Variants in SEMA3A observed in about 807,000 individuals in gnomAD.
SEMA3A encodes semaphorin 3A.
Under a neutral mutation model 97.9 loss-of-function variants are expected in SEMA3A, and 29 were observed. That is an observed-to-expected ratio of 0.30 (90% confidence interval 0.22 to 0.40). The LOEUF is 0.40. SEMA3A is among the 10% of genes least tolerant of loss of function. SEMA3A has a pLI of 1.00. For missense variants in SEMA3A, 763 were observed against 951.3 expected (o/e 0.80, Z 2.60); for synonymous variants, 321 against 323.7 (o/e 0.99, Z 0.09).
At chr7:84,363,496 T>A (rs531815351) in intron 2 of SEMA3A, among the ~76,000 whole-genome samples, 20 of 152,114 alleles carry the variant, frequency 1.3e-4, no homozygotes, top group African/African-American at 4.8e-4. Flanking sequence ...TTTCTTTAGA[T>A]CTATATCTAT....
chr7:84,081,036 G>T (rs770575065), intron 4 of SEMA3A, among the ~76,000 whole-genome samples: 7 of 151,782 alleles, frequency 4.6e-5, no homozygotes, highest in Non-Finnish European at 8.8e-5. Context: ...TGTTACATTT[G>T]TTCAAATTAA....
intron 2 of SEMA3A, among the ~76,000 whole-genome samples, chr7:84,321,186 C>A (rs542566814): frequency 6.6e-6 from 1 of 152,306 alleles, no homozygotes; most frequent in African/African-American, 2.4e-5. Flanking sequence ...GTTGATAATT[C>A]TAATCCCATG....
chr7:84,147,283 C>T (rs1187420046), intron 1 of SEMA3A, among the ~76,000 whole-genome samples: 1 of 152,148 alleles, frequency 6.6e-6, no homozygotes, highest in Non-Finnish European at 1.5e-5. Flanking sequence ...TTAAATTGTT[C>T]TAATGCTGAG....
chr7:84,238,719 A>ATT (rs60410629), intron 3 of SEMA3A, among the ~76,000 whole-genome samples: 1 of 146,784 alleles, frequency 6.8e-6, no homozygotes, highest in African/African-American at 2.5e-5. Context: ...AACTACAATA[A>ATT]TTTTTTTTTT....
In SEMA3A at chr7:84,160,255, A is replaced by G. The variant is rs527758773; in HGVS notation, c.113-25304T>C. 2.2e-4 allele frequency among the ~76,000 whole-genome samples: 33 copies of G among 148,842 alleles called. No individual in the cohort carries two copies. The South Asian group carries it at 6.5e-3, about 29-fold the overall frequency. Reference sequence around the variant, plus strand: ...TATCTATCTATCTATCTATCTATCTATCTATCTATCTATCTATCTATCGTT... The same window carrying G: ...TATCTATCTATCTATCTATCTATCTGTCTATCTATCTATCTATCTATCGTT... On this transcript the variant is annotated intron_variant, in intron 1 of 16. Transcript: ENST00000265362.
At chr7:84,088,164 A>T (rs903109387) in intron 4 of SEMA3A, among the ~76,000 whole-genome samples, 1 of 152,182 alleles carries the variant, frequency 6.6e-6, no homozygotes, top group African/African-American at 2.4e-5. Flanking sequence ...GTGTTTATTG[A>T]AAGTATGCTT....
At chr7:84,374,613 T>C (rs953785287) in intron 1 of SEMA3A, among the ~76,000 whole-genome samples, 1 of 152,200 alleles carries the variant, frequency 6.6e-6, no homozygotes, top group Admixed American at 6.5e-5. Context: ...AAAATAATGA[T>C]CTAAAATTGT....
At chr7:84,281,642 A>G (rs1562885071) in intron 3 of SEMA3A, among the ~76,000 whole-genome samples, 1 of 152,188 alleles carries the variant, frequency 6.6e-6, no homozygotes, top group Non-Finnish European at 1.5e-5. Flanking sequence ...AGATTTTGAT[A>G]TTAGATAGTA....
chr7:83,972,091 A>G (rs912497513), intron 15 of SEMA3A, among the ~76,000 whole-genome samples: 10 of 152,000 alleles, frequency 6.6e-5, no homozygotes, highest in Non-Finnish European at 1.5e-4. Context: ...ATACATAGAT[A>G]TAGGTATGAA....
At chr7:84,444,024 T>C (rs984060571) in intron 1 of SEMA3A, among the ~76,000 whole-genome samples, 1 of 151,418 alleles carries the variant, frequency 6.6e-6, no homozygotes. Flanking sequence ...GTAGCTGGAA[T>C]TACAGGCACC....
At chr7:84,058,325 C>T (rs1455072195) in intron 5 of SEMA3A, among the ~76,000 whole-genome samples, 1 of 152,136 alleles carries the variant, frequency 6.6e-6, no homozygotes, top group Non-Finnish European at 1.5e-5. Context: ...TCTGAGACAG[C>T]TGTTACCCTT....
Position 84,072,329 on chromosome 7 carries a change from T to G in SEMA3A, c.454-11771A>C, listed in dbSNP as rs531233670. The stretch of plus-strand genomic sequence containing the variant: ...TGATAGGCAAAATTATCAACTTATT[T>G]CTTTGTGGAACATAAACTTATTTCT... On this transcript the variant is annotated intron_variant, in intron 4 of 16. Transcript: ENST00000265362. Among the ~76,000 whole-genome samples, 3 of 152,122 alleles carry G rather than the reference T, an allele frequency of 2.0e-5. No homozygotes were observed. In the East Asian group the frequency reaches 5.8e-4, roughly 29 times the overall value.
At chr7:84,441,973 C>A (rs919219679) in intron 1 of SEMA3A, among the ~76,000 whole-genome samples, 16 of 152,130 alleles carry the variant, frequency 1.1e-4, no homozygotes, top group African/African-American at 3.9e-4. Flanking sequence ...TTGCTACCAA[C>A]AGACGTGCTC....
intron 2 of SEMA3A, among the ~76,000 whole-genome samples, chr7:84,344,194 G>T (rs965273536): frequency 1.3e-5 from 2 of 152,064 alleles, no homozygotes; most frequent in African/African-American, 4.8e-5. Context: ...ATGGATTTTT[G>T]ACAATACTTT....
chr7:84,227,954 TGTATG>T (rs1212117952), intron 3 of SEMA3A, among the ~76,000 whole-genome samples: 7 of 151,670 alleles, frequency 4.6e-5, no homozygotes, highest in Admixed American at 2.6e-4. Context: ...AGGTAGTAGT[TGTATG>T]GGAATGGTAA....
chr7:84,185,692 G>GAAAAAA (rs71078810), intron 1 of SEMA3A, among the ~76,000 whole-genome samples: 1 of 78,128 alleles, frequency 1.3e-5, no homozygotes, highest in Non-Finnish European at 2.3e-5. Flanking sequence ...ACTCTGGCAG[G>GAAAAAA]AAAAAAAAAA....
intron 1 of SEMA3A, among the ~76,000 whole-genome samples, chr7:84,403,411 G>A (rs1477765068): frequency 6.6e-6 from 1 of 152,172 alleles, no homozygotes; most frequent in South Asian, 2.1e-4. Context: ...GCTTGAACTG[G>A]GTGGAGCCCA....
At chr7:84,350,029 G>T (rs1039180475) in intron 2 of SEMA3A, among the ~76,000 whole-genome samples, 7 of 151,864 alleles carry the variant, frequency 4.6e-5, no homozygotes, top group Non-Finnish European at 8.8e-5. Context: ...CCCCAAATTG[G>T]CCTAATTACT....
At chr7:84,480,911 TAAAG>T (rs2116432801) in intron 1 of SEMA3A, among the ~76,000 whole-genome samples, 1 of 152,104 alleles carries the variant, frequency 6.6e-6, no homozygotes, top group East Asian at 1.9e-4. Flanking sequence ...AATAAATAAA[TAAAG>T]ACTTTAATAG....
Sources: gnomAD v4.1 joint callset for allele counts (sites outside exome capture counted in the v4.1 genomes callset) on GRCh38, gnomAD v4.1.1 for gene constraint, MANE v1.5 for transcripts, NCBI Gene and HGNC (gene_info 2026-07-23, HGNC 2026-07-21) for gene names.